The following OTUD7A variants were observed in gnomAD, a reference collection of about 807,000 sequenced individuals.
OTUD7A encodes OTU deubiquitinase 7A.
Under a neutral mutation model 65.7 loss-of-function variants are expected in OTUD7A, and 12 were observed. The ratio of observed to expected loss-of-function variants is 0.18; its 90% confidence interval spans 0.12 to 0.30. OTUD7A has a LOEUF of 0.30. OTUD7A is among the 10% of genes least tolerant of loss of function. OTUD7A has a pLI of 1.00. For missense variants in OTUD7A, 1,148 were observed against 1,304.8 expected (o/e 0.88, Z 1.85); for synonymous variants, 641 against 586.3 (o/e 1.09, Z -1.35).
chr15:31,713,249 A>G (rs1319806916), intron 1 of OTUD7A, among the ~76,000 whole-genome samples: 5 of 152,226 alleles, frequency 3.3e-5, no homozygotes, highest in Non-Finnish European at 1.5e-5. Flanking sequence ...TCCTCTAGAA[A>G]GCAACATGGA....
chr15:31,756,036 T>A (rs1461638267), intron 1 of OTUD7A, among the ~76,000 whole-genome samples: 1 of 152,158 alleles, frequency 6.6e-6, no homozygotes, highest in African/African-American at 2.4e-5. Context: ...TCACCTCCAG[T>A]GGGGACTCCG....
At chr15:31,825,996 A>G (rs1294546049) in intron 1 of OTUD7A, among the ~76,000 whole-genome samples, 1 of 152,182 alleles carries the variant, frequency 6.6e-6, no homozygotes, top group Non-Finnish European at 1.5e-5. Flanking sequence ...TGCAGGGTAC[A>G]GCCTCCCTCC....
intron 1 of OTUD7A, among the ~76,000 whole-genome samples, chr15:31,759,665 C>T (rs1894908819): frequency 6.6e-6 from 1 of 152,190 alleles, no homozygotes; most frequent in Non-Finnish European, 1.5e-5. Flanking sequence ...TCCCGAGTAG[C>T]TGGGATACAG....
At chr15:31,781,167 G>T (rs1203102547) in intron 1 of OTUD7A, among the ~76,000 whole-genome samples, 1 of 152,164 alleles carries the variant, frequency 6.6e-6, no homozygotes, top group African/African-American at 2.4e-5. Flanking sequence ...AGGATCAATA[G>T]AATACAGCAG....
intron 1 of OTUD7A, among the ~76,000 whole-genome samples, chr15:31,803,388 TA>T (rs1470024754): frequency 6.6e-6 from 1 of 152,244 alleles, no homozygotes. Context: ...AAAGATTGTA[TA>T]TTTTAAGCTT....
At chr15:31,767,177 C>A (rs1895113393) in intron 1 of OTUD7A, 1 of 1,213,302 alleles carries the variant, frequency 8.2e-7, no homozygotes, top group South Asian at 1.3e-5. Flanking sequence ...TGAAGGAACT[C>A]AAATTGTTTA....
At position 31,613,471 on chromosome 15, in the gene OTUD7A, T is replaced by C. The variant is rs370255579; in HGVS notation, c.151+41625A>G. ...AGCAAGAAAAAAACAAACAATCCCG[T>C]CAAAAAGTGGGCTAAGGACATGAAC... is the stretch of plus-strand genomic sequence containing the variant. On this transcript the variant is annotated intron_variant, in intron 3 of 12. Transcript: ENST00000307050. 5.3e-5 allele frequency among the ~76,000 whole-genome samples: 8 copies of C among 151,508 alleles called. No homozygotes were observed. In the East Asian group the frequency reaches 1.5e-3, roughly 29 times the overall value.
chr15:31,830,815 G>A (rs1009590205), intron 1 of OTUD7A, among the ~76,000 whole-genome samples: 4 of 152,182 alleles, frequency 2.6e-5, no homozygotes, highest in Admixed American at 1.3e-4. Context: ...CAGTGACATC[G>A]TTGCCATGTT....
chr15:31,550,867 T>A (rs1888300300), intron 5 of OTUD7A, among the ~76,000 whole-genome samples: 1 of 151,976 alleles, frequency 6.6e-6, no homozygotes, highest in African/African-American at 2.4e-5. Flanking sequence ...GTCTGGGAGG[T>A]TTACTCGTGT....
chr15:31,709,970 C>A (rs1353149986), intron 1 of OTUD7A, among the ~76,000 whole-genome samples: 2 of 149,866 alleles, frequency 1.3e-5, no homozygotes, highest in African/African-American at 4.9e-5. Context: ...CAAAATAAAA[C>A]CCTATAAATA....
chr15:31,574,106 G>T (rs893798132), intron 3 of OTUD7A, among the ~76,000 whole-genome samples: 2 of 151,980 alleles, frequency 1.3e-5, no homozygotes, highest in Non-Finnish European at 2.9e-5. Context: ...AACTGATATT[G>T]TCTAAAGAAA....
rs11633777 is a variant in OTUD7A, at chr15:31,481,662, A to G, written c.*1632T>C. On this transcript the variant is annotated 3_prime_UTR_variant, in exon 13 of 13. Transcript: ENST00000307050. ...AAACTCCACCTGCTGTGGAATAATTAAAAACAAAAAGGCATTACTCACAGG... is the reference window on the plus strand; with the variant it reads ...AAACTCCACCTGCTGTGGAATAATTGAAAACAAAAAGGCATTACTCACAGG... The G allele has an allele frequency of 0.011, 1,665 of 152,590 alleles. 14 individuals are homozygous for G. The highest frequency in any genetic ancestry group is 0.016 in the Non-Finnish European group (1,106 of 68,042). 9.5% of individuals were successfully genotyped at this position (152,590 alleles called of 1,614,324 possible). A position where few individuals can be genotyped will look rare whatever the true frequency, so the allele number is the denominator to read the frequency against.
At chr15:31,767,499 G>T in intron 1 of OTUD7A, 1 of 772,594 alleles carries the variant, frequency 1.3e-6, no homozygotes, top group Middle Eastern at 2.6e-4. Context: ...GAGGTCATCT[G>T]ATTTGTTTTG....
Position 31,860,628 on chromosome 15 carries a change from T to TAC in OTUD7A, c.-100+9878_-100+9879insGT, listed in dbSNP as rs1445909174. Among the ~76,000 whole-genome samples, 59 of 24,388 alleles carry TAC rather than the reference T, an allele frequency of 2.4e-3. 2 individuals are homozygous for TAC. The East Asian group carries it at 0.065, about 27-fold the overall frequency. The allele number at this position is 24,388 out of a possible 152,430, so 16.0% of individuals were successfully genotyped here. A position where few individuals can be genotyped will look rare whatever the true frequency, so the allele number is the denominator to read the frequency against. ...CCTCGACCCCAGAAGTGGAGATATA[T>TAC]ATATATATATATATATGTATGTATG... On this transcript the variant is annotated intron_variant, in intron 1 of 12. Coordinates refer to ENST00000307050, the MANE Select transcript of OTUD7A (RefSeq NM_001382637.1).
chr15:31,799,540 T>C (rs934175598), intron 1 of OTUD7A, among the ~76,000 whole-genome samples: 1 of 152,090 alleles, frequency 6.6e-6, no homozygotes, highest in Non-Finnish European at 1.5e-5. Context: ...CTGTCCCCTC[T>C]CTCTCCACGT....
chr15:31,588,903 C>G lies in OTUD7A; in HGVS notation c.152-18706G>C, dbSNP rs78922838. On this transcript the variant is annotated intron_variant, in intron 3 of 12. Coordinates refer to ENST00000307050, the MANE Select transcript of OTUD7A (RefSeq NM_001382637.1). ...GGAGGGCCTCTTCCTCTTGGCTTCA[C>G]TGCAGACTCTCCTCAAACTTCACCT... 9.7e-3 allele frequency among the ~76,000 whole-genome samples: 1,477 copies of G among 152,314 alleles called. 20 individuals carry two copies. Among genetic ancestry groups the G allele is most frequent in the Non-Finnish European group, 0.015 (996 of 68,030 alleles).
intron 3 of OTUD7A, among the ~76,000 whole-genome samples, chr15:31,641,230 G>A (rs1490819448): frequency 6.6e-6 from 1 of 152,084 alleles, no homozygotes; most frequent in Non-Finnish European, 1.5e-5. Flanking sequence ...TGTGAAGAAG[G>A]TGCCTGCTTC....
chr15:31,664,723 A>G lies in OTUD7A; in HGVS notation c.-99-7646T>C, dbSNP rs143827546. ...TTGCTTTTGGGTTCTTGCTCGTGAA[A>G]TCCTTGACTAAGCCAATGTCTACAA... On this transcript the variant is annotated intron_variant, in intron 1 of 12. Coordinates refer to ENST00000307050, the MANE Select transcript of OTUD7A (RefSeq NM_001382637.1). Among the ~76,000 whole-genome samples, 206 of 152,264 alleles carry G rather than the reference A, an allele frequency of 1.4e-3. 1 individual carries two copies. Among genetic ancestry groups the G allele is most frequent in the African/African-American group, 4.7e-3 (196 of 41,554 alleles).
At chr15:31,592,904 A>AAAAATAT (rs1416029921) in intron 3 of OTUD7A, among the ~76,000 whole-genome samples, 50 of 59,376 alleles carry the variant, frequency 8.4e-4, no homozygotes, top group Admixed American at 1.3e-3. Context: ...AAAAAAAAAA[A>AAAAATAT]ATATATATAT....
Sources: gnomAD v4.1 joint callset for allele counts (sites outside exome capture counted in the v4.1 genomes callset) on GRCh38, gnomAD v4.1.1 for gene constraint, MANE v1.5 for transcripts, NCBI Gene and HGNC (gene_info 2026-07-23, HGNC 2026-07-21) for gene names.